SFRP5: variants seen among roughly 807,000 people sequenced by gnomAD.
SFRP5 encodes secreted frizzled-related protein 5.
Under a neutral mutation model 27.0 loss-of-function variants are expected in SFRP5, and 22 were observed. That is an observed-to-expected ratio of 0.82 (90% CI 0.58 to 1.17). The LOEUF is 1.17. Among genes scored for constraint, SFRP5 ranks in the 50% most tolerant of loss-of-function variants. The pLI is 0.00. For missense variants in SFRP5, 406 were observed against 436.6 expected (o/e 0.93, Z 0.63); for synonymous variants, 171 against 195.0 (o/e 0.88, Z 1.03).
At chr10:97,769,564 T>G in intron 2 of SFRP5, 104 bp downstream of exon 2, 1 of 765,566 alleles carries the variant, frequency 1.3e-6, no homozygotes, top group Non-Finnish European at 2.2e-6. Flanking sequence ...CAAAAACTGT[T>G]GGGATTCACT....
At position 97,771,370 on chromosome 10, in the gene SFRP5, A is replaced by C; in HGVS notation, c.464T>G (p.Phe155Cys). The stretch of plus-strand genomic sequence containing the variant: ...GATGCAGAGGTCGTTGTCCAGGGGG[A>C]ACTTGTGGCAGTGCAGCATCTCAGG... ...PWPEMLHCHK[F>C]PLDNDLCIAV... Residue 155 changes from phenylalanine (F) to cysteine (C), a missense_variant, in exon 1 of 3, where the codon TTC becomes TGC. Phe to Cys is a radical substitution (Grantham distance 205). Coordinates refer to ENST00000266066, the MANE Select transcript of SFRP5 (RefSeq NM_003015.3). This position sits in a 1 kb window ranked among gnomAD's most constrained non-coding sequence, Gnocchi z 5.2. 6.2e-7 allele frequency: 1 copy of C among 1,610,326 alleles called. No individual in the cohort carries two copies. Among genetic ancestry groups the C allele is most frequent in the Non-Finnish European group, 8.5e-7 (1 of 1,178,636 alleles).
intron 2 of SFRP5, among the ~76,000 whole-genome samples, chr10:97,768,350 G>GTATATGTGTGTGC (rs2049497235): frequency 6.6e-6 from 1 of 152,086 alleles, no homozygotes; most frequent in Non-Finnish European, 1.5e-5. Flanking sequence ...TATGGGGTGT[G>GTATATGTGTGTGC]TATATGTGTG....
chr10:97,771,300 G>T lies in SFRP5; in HGVS notation c.529+5C>A. The T allele has an allele frequency of 6.5e-7, 1 of 1,546,576 alleles. No homozygotes were observed. Among genetic ancestry groups the T allele is most frequent in the Non-Finnish European group, 8.7e-7 (1 of 1,148,292 alleles). Reference sequence around the variant, plus strand: ...AGCGCGCGGGGACGGCGGCGGCGGCGCTACCTGGAGGCGCGGTGGCGGGCA... The same window carrying T: ...AGCGCGCGGGGACGGCGGCGGCGGCTCTACCTGGAGGCGCGGTGGCGGGCA... On this transcript the variant is annotated splice_donor_5th_base_variant and intron_variant, in intron 1 of 2. Coordinates refer to ENST00000266066, the MANE Select transcript of SFRP5 (RefSeq NM_003015.3). This position sits in a 1 kb window ranked among gnomAD's most constrained non-coding sequence, Gnocchi z 5.2.
At chr10:97,768,585 A>G (rs996479001) in intron 2 of SFRP5, among the ~76,000 whole-genome samples, 2 of 152,110 alleles carry the variant, frequency 1.3e-5, no homozygotes, top group African/African-American at 4.8e-5. Context: ...TATGTGTGTG[A>G]GAGAGAGATT....
At chr10:97,769,090 A>G (rs1167807692) in intron 2 of SFRP5, among the ~76,000 whole-genome samples, 1 of 152,146 alleles carries the variant, frequency 6.6e-6, no homozygotes, top group East Asian at 1.9e-4. Flanking sequence ...GACACAAAAC[A>G]GGGAACTGAC....
At position 97,771,673 on chromosome 10, in the gene SFRP5, A is replaced by G. The variant is rs2049518139; in HGVS notation, c.161T>C (p.Leu54Pro). The change falls in exon 1 of 3, where the codon CTT becomes CCT. Residue 54 changes from leucine to proline, a missense_variant. Leu to Pro is a moderately conservative substitution (Grantham distance 98). Transcript: ENST00000266066. The surrounding 1 kb of genome is among the most constrained non-coding windows in gnomAD (Gnocchi z 5.2). ...GAGCGGCAGGTCGGCAGGGATGTCAAGGCACTGCGGCGGCTTGGAGTAGGA... is the reference window on the plus strand; with the variant it reads ...GAGCGGCAGGTCGGCAGGGATGTCAGGGCACTGCGGCGGCTTGGAGTAGGA... The part of the protein sequence containing the change: ...GRSYSKPPQC[L>P]DIPADLPLCH... 1.9e-6 allele frequency: 3 copies of G among 1,601,940 alleles called. No individual in the cohort carries two copies. Among genetic ancestry groups the G allele is most frequent in the Non-Finnish European group, 2.5e-6 (3 of 1,179,626 alleles).
At chr10:97,768,816 TTC>T (rs1307141877) in intron 2 of SFRP5, among the ~76,000 whole-genome samples, 1 of 152,126 alleles carries the variant, frequency 6.6e-6, no homozygotes, top group East Asian at 1.9e-4. Flanking sequence ...GGTCTCTCCC[TTC>T]TTCAGGCTTC....
rs2049491159 is a variant in SFRP5, at chr10:97,767,517, G to T, written c.951C>A (p.His317Gln). The T allele has an allele frequency of 1.3e-6, 2 of 1,599,338 alleles. No individual in the cohort carries two copies. Among genetic ancestry groups the T allele is most frequent in the African/African-American group, 1.3e-5 (1 of 74,708 alleles). ...YPFFYGAAEP[H>Q] ...GCAGGGCAAGGAGGAGTGCCCTTCA[G>T]TGGGGCTCTGCCGCCCCGTAGAAGA... The change falls in exon 3 of 3, where the codon CAC becomes CAA. Residue 317 changes from histidine (H) to glutamine (Q), a missense_variant. Transcript: ENST00000266066.
In SFRP5 at chr10:97,771,777, C is replaced by A; in HGVS notation, c.57G>T (p.Leu19=). The part of the protein sequence containing the change: ...GVRTAALALL[L]GALHWAPARC... ...GCGCCGGCGCCCAGTGCAGCGCCCC[C>A]AGCAGCAGCGCCAGCGCGGCCGTCC... Residue 19 remains leucine (L), a synonymous_variant, in exon 1 of 3, where the codon CTG becomes CTT. Coordinates refer to ENST00000266066, the MANE Select transcript of SFRP5 (RefSeq NM_003015.3). The surrounding 1 kb of genome is among the most constrained non-coding windows in gnomAD (Gnocchi z 5.2). The A allele has an allele frequency of 1.4e-6, 2 of 1,473,748 alleles. No homozygotes were observed. The highest frequency in any genetic ancestry group is 1.8e-6 in the Non-Finnish European group (2 of 1,117,082). The allele number at this position is 1,473,748 out of a possible 1,614,324, so 91.3% of individuals were successfully genotyped here.
Position 97,767,440 on chromosome 10 carries a change from C to A in SFRP5, c.*74G>T. The A allele has an allele frequency of 8.4e-7, 1 of 1,190,670 alleles. No individual in the cohort carries two copies. Among genetic ancestry groups the A allele is most frequent in the Admixed American group, 2.3e-5 (1 of 43,934 alleles). The allele number at this position is 1,190,670 out of a possible 1,614,324, so 73.8% of individuals were successfully genotyped here. On this transcript the variant is annotated 3_prime_UTR_variant, in exon 3 of 3. Coordinates refer to ENST00000266066, the MANE Select transcript of SFRP5 (RefSeq NM_003015.3). ...TCGTGAAAACACCCTCCAGTAGGGC[C>A]GGGTCAGCCTGGAAGTTGGGGCGGG... is the stretch of plus-strand genomic sequence containing the variant.
At chr10:97,769,633 T>C in intron 2 of SFRP5, 35 bp downstream of exon 2, 1 of 1,452,274 alleles carries the variant, frequency 6.9e-7, no homozygotes. Flanking sequence ...CTGGGGGTGA[T>C]GTCGGGGCAG....
Position 97,771,813 on chromosome 10 carries a change from C to A in SFRP5, c.21G>T (p.Gly7=), listed in dbSNP as rs1044860898. 41 of 1,204,736 alleles carry A rather than the reference C, an allele frequency of 3.4e-5. No individual in the cohort carries two copies. In the African/African-American group the frequency reaches 5.6e-4, roughly 17 times the overall value. The allele number at this position is 1,204,736 out of a possible 1,614,324, so 74.6% of individuals were successfully genotyped here. A position where few individuals can be genotyped will look rare whatever the true frequency, so the allele number is the denominator to read the frequency against. ...CCAGCGCGGCCGTCCGCACGCCCCC[C>A]CCCGCCGCCGCCGCCCGCATGGCTG... The part of the protein sequence containing the change: MRAAAA[G]GGVRTAALAL... The change falls in exon 1 of 3, where the codon GGG becomes GGT. Residue 7 remains glycine (G), a synonymous_variant. Transcript: ENST00000266066. The surrounding 1 kb of genome is among the most constrained non-coding windows in gnomAD (Gnocchi z 5.2).
rs1452795506 is a variant in SFRP5, at chr10:97,766,811, T to C, written c.*703A>G. The C allele has an allele frequency of 6.6e-6, 1 of 152,150 alleles. No homozygotes were observed. The highest frequency in any genetic ancestry group is 6.5e-5 in the Admixed American group (1 of 15,276). 9.4% of individuals were successfully genotyped at this position (152,150 alleles called of 1,614,324 possible). A position where few individuals can be genotyped will look rare whatever the true frequency, so the allele number is the denominator to read the frequency against. The stretch of plus-strand genomic sequence containing the variant: ...AAATTAGAAAACCCAACCCTGCATG[T>C]ATTGGTTGTCTAGTACCTATGGCCT... On this transcript the variant is annotated 3_prime_UTR_variant, in exon 3 of 3. Coordinates refer to ENST00000266066, the MANE Select transcript of SFRP5 (RefSeq NM_003015.3).
At position 97,767,502 on chromosome 10, in the gene SFRP5, G is replaced by T; in HGVS notation, c.*12C>A. On this transcript the variant is annotated 3_prime_UTR_variant, in exon 3 of 3. Transcript: ENST00000266066. The stretch of plus-strand genomic sequence containing the variant: ...AGCAAGGCACAGCTGGCAGGGCAAG[G>T]AGGAGTGCCCTTCAGTGGGGCTCTG... The T allele has an allele frequency of 6.3e-7, 1 of 1,575,022 alleles. No individual in the cohort carries two copies. The highest frequency in any genetic ancestry group is 1.2e-5 in the South Asian group (1 of 86,168).
chr10:97,768,590 G>C (rs761642672), intron 2 of SFRP5, among the ~76,000 whole-genome samples: 3 of 152,208 alleles, frequency 2.0e-5, no homozygotes, highest in Non-Finnish European at 4.4e-5. Context: ...GTGTGAGAGA[G>C]AGATTGTACG....
chr10:97,768,030 T>C lies in SFRP5; in HGVS notation c.608-170A>G, dbSNP rs577183288. Among the ~76,000 whole-genome samples the C allele has an allele frequency of 2.0e-5, 3 of 152,178 alleles. No individual in the cohort carries two copies. In the South Asian group the frequency reaches 6.2e-4, roughly 32 times the overall value. ...CATTTTCATATTTATGAAGCACTTA[T>C]CATGCTGCACTCTCAAGGACAGCAT... On this transcript the variant is annotated intron_variant, in intron 2 of 2. Transcript: ENST00000266066.
intron 2 of SFRP5, 75 bp from the exon 3 acceptor site, chr10:97,767,935 G>T: frequency 8.5e-7 from 1 of 1,177,058 alleles, no homozygotes; most frequent in Non-Finnish European, 1.2e-6. Flanking sequence ...CAGAGTTGGT[G>T]TGTTCTGGAC....
chr10:97,770,714 TG>T (rs1396217362), intron 1 of SFRP5, among the ~76,000 whole-genome samples: 1 of 152,200 alleles, frequency 6.6e-6, no homozygotes, highest in Non-Finnish European at 1.5e-5. Flanking sequence ...CTTACCCGAA[TG>T]ACTCCCAGCC....
intron 1 of SFRP5, among the ~76,000 whole-genome samples, chr10:97,770,080 T>C (rs1185645260): frequency 1.3e-5 from 2 of 152,238 alleles, no homozygotes; most frequent in Non-Finnish European, 1.5e-5. Flanking sequence ...TCCTATTTTA[T>C]TTTTGAGATG....
Sources: allele counts gnomAD v4.1 joint callset (sites outside exome capture counted in the v4.1 genomes callset), GRCh38; gene constraint gnomAD v4.1.1; non-coding constraint Gnocchi (gnomAD v3.1); transcripts MANE v1.5; gene names NCBI Gene and HGNC (gene_info 2026-07-23, HGNC 2026-07-21).